Variants in ZNF471 observed in about 807,000 individuals in gnomAD.
The protein encoded by ZNF471 is EZFIT-related protein 1.
Under a neutral mutation model 13.7 loss-of-function variants are expected in ZNF471, and 7 were observed. The ratio of observed to expected loss-of-function variants is 0.51; its 90% CI spans 0.29 to 0.96. The LOEUF (loss-of-function observed/expected upper bound fraction) is 0.96, where lower values mean the gene tolerates loss of function less well. Ranked by LOEUF, ZNF471 falls within the 40% of genes least tolerant of loss-of-function variation. The pLI is 0.08. For missense variants in ZNF471, 663 were observed against 743.3 expected (o/e 0.89, Z 1.26); for synonymous variants, 218 against 235.6 (o/e 0.93, Z 0.68).
Position 56,516,743 on chromosome 19 carries a change from A to G in ZNF471, c.160+342A>G, listed in dbSNP as rs2043894060. Among the ~76,000 whole-genome samples, 1 of 152,244 alleles carries G rather than the reference A, an allele frequency of 6.6e-6. No homozygotes were observed. Among genetic ancestry groups the G allele is most frequent in the Admixed American group, 6.5e-5 (1 of 15,286 alleles). The stretch of plus-strand genomic sequence containing the variant: ...AGAATATATAGCTAGATTACTATAA[A>G]TTCAGAATATCACTTTTAAAATCTG... On this transcript the variant is annotated intron_variant, in intron 3 of 4. Transcript: ENST00000308031. This position sits in a 1 kb window ranked among gnomAD's most constrained non-coding sequence, Gnocchi z 4.4.
At chr19:56,517,383 A>G (rs1600513311) in intron 3 of ZNF471, among the ~76,000 whole-genome samples, 1 of 150,782 alleles carries the variant, frequency 6.6e-6, no homozygotes, top group South Asian at 2.1e-4. Flanking sequence ...GCTCACTGCA[A>G]GCTCCGCCTC....
intron 2 of ZNF471, among the ~76,000 whole-genome samples, chr19:56,515,066 A>G (rs2043863628): frequency 6.6e-6 from 1 of 152,182 alleles, no homozygotes; most frequent in South Asian, 2.1e-4. Flanking sequence ...TTCATTGGTT[A>G]TAGCATTATC....
At position 56,508,474 on chromosome 19, in the gene ZNF471, T is replaced by A. The variant is rs1343761548; in HGVS notation, c.-56+554T>A. 6.8e-6 allele frequency among the ~76,000 whole-genome samples: 1 copy of A among 146,964 alleles called. No individual in the cohort carries two copies. The highest frequency in any genetic ancestry group is 6.8e-5 in the Admixed American group (1 of 14,792). ...ACCAGGATGTATTCGTGTGAGAGAG[T>A]GAGACGGGCTGGATGGAGTGTGAGA... is the stretch of plus-strand genomic sequence containing the variant. On this transcript the variant is annotated intron_variant, in intron 1 of 4. Transcript: ENST00000308031. This position sits in a 1 kb window ranked among gnomAD's most constrained non-coding sequence, Gnocchi z 4.7.
Position 56,527,972 on chromosome 19 carries a change from T to A in ZNF471, c.*2024T>A, listed in dbSNP as rs931417041. The A allele has an allele frequency of 6.6e-6, 1 of 152,344 alleles. No homozygotes were observed. The highest frequency in any genetic ancestry group is 2.4e-5 in the African/African-American group (1 of 41,442). 9.4% of individuals were successfully genotyped at this position (152,344 alleles called of 1,614,324 possible). On this transcript the variant is annotated 3_prime_UTR_variant, in exon 5 of 5. Transcript: ENST00000308031. Reference sequence around the variant, plus strand: ...CATTACACAGGTGTCCAACCTTTTGTCTTCCCTGGGCCACATTGGAAGAAG... The same window carrying A: ...CATTACACAGGTGTCCAACCTTTTGACTTCCCTGGGCCACATTGGAAGAAG...
In ZNF471 at chr19:56,508,503, CAGTG is replaced by C. The variant is rs1036562812; in HGVS notation, c.-56+588_-56+591del. ...ACGGGCTGGATGGAGTGTGAGAGAC[CAGTG>C]AGTGTGAGAGATGGGCGTGTGCCTG... On this transcript the variant is annotated intron_variant, in intron 1 of 4. Transcript: ENST00000308031. This position sits in a 1 kb window ranked among gnomAD's most constrained non-coding sequence, Gnocchi z 4.7. Among the ~76,000 whole-genome samples, 1 of 149,548 alleles carries C rather than the reference CAGTG, an allele frequency of 6.7e-6. No homozygotes were observed. Among genetic ancestry groups the C allele is most frequent in the African/African-American group, 2.5e-5 (1 of 40,476 alleles).
chr19:56,521,532 G>A (rs1215948070), intron 4 of ZNF471, among the ~76,000 whole-genome samples: 1 of 148,330 alleles, frequency 6.7e-6, no homozygotes, highest in Admixed American at 6.8e-5. Context: ...CCAGCTACTC[G>A]AGAGGCTGAG....
intron 2 of ZNF471, among the ~76,000 whole-genome samples, chr19:56,514,873 ATCT>A (rs1244640967): frequency 8.5e-5 from 13 of 152,170 alleles, no homozygotes; most frequent in Non-Finnish European, 1.5e-4. Flanking sequence ...CATTTGAAAG[ATCT>A]TCTAAATGAG....
Position 56,508,259 on chromosome 19 carries a change from C to T in ZNF471, c.-56+339C>T. The T allele has an allele frequency of 1.8e-6, 1 of 553,502 alleles. No individual in the cohort carries two copies. Among genetic ancestry groups the T allele is most frequent in the Non-Finnish European group, 2.3e-6 (1 of 443,038 alleles). 34.3% of individuals were successfully genotyped at this position (553,502 alleles called of 1,614,324 possible). A position where few individuals can be genotyped will look rare whatever the true frequency, so the allele number is the denominator to read the frequency against. ...TGTGTGTGTGTGTGTGTGTGACAGA[C>T]CGAGAGTCCAGTGTGAGACCAGGGT... On this transcript the variant is annotated intron_variant, in intron 1 of 4. Coordinates refer to ENST00000308031, the MANE Select transcript of ZNF471 (RefSeq NM_020813.4). The surrounding 1 kb of genome is among the most constrained non-coding windows in gnomAD (Gnocchi z 4.7).
Position 56,524,616 on chromosome 19 carries a change from TA to T in ZNF471, c.556del (p.Ser186AlafsTer8). ...AGAGTATTTATAATCACACATCAGA[TA>T]AAAAAAGCTTCTCCAAAAATTCTAT... ...EESIYNHTSD[K>X]KSFSKNSMVI... On this transcript the variant is annotated frameshift_variant, in exon 5 of 5. Transcript: ENST00000308031. LOFTEE classifies it low-confidence loss of function (END_TRUNC). This position sits in a 1 kb window ranked among gnomAD's most constrained non-coding sequence, Gnocchi z 4.8. 1.3e-6 allele frequency: 2 copies of T among 1,586,564 alleles called. No individual in the cohort carries two copies. Among genetic ancestry groups the T allele is most frequent in the Non-Finnish European group, 1.7e-6 (2 of 1,172,896 alleles).
intron 2 of ZNF471, among the ~76,000 whole-genome samples, chr19:56,513,607 A>G (rs780404482): frequency 6.2e-4 from 94 of 151,906 alleles, no homozygotes; most frequent in Non-Finnish European, 1.0e-3. Flanking sequence ...GTAATTTTCT[A>G]TTTTCTTCCT....
rs770884701 is a variant in ZNF471, at chr19:56,522,852, T to G, written c.257-1472T>G. On this transcript the variant is annotated intron_variant, in intron 4 of 4. Coordinates refer to ENST00000308031, the MANE Select transcript of ZNF471 (RefSeq NM_020813.4). This position sits in a 1 kb window ranked among gnomAD's most constrained non-coding sequence, Gnocchi z 4.1. Reference sequence around the variant, plus strand: ...CCTGGGTTCAAGCAATTTTCCTGCTTTAGCCTCCCAGGTAGCTGGGATTAC... The same window carrying G: ...CCTGGGTTCAAGCAATTTTCCTGCTGTAGCCTCCCAGGTAGCTGGGATTAC... 6.6e-6 allele frequency among the ~76,000 whole-genome samples: 1 copy of G among 152,078 alleles called. No homozygotes were observed. Among genetic ancestry groups the G allele is most frequent in the Non-Finnish European group, 1.5e-5 (1 of 68,004 alleles).
rs150464101 is a variant in ZNF471, at chr19:56,520,577, A to G, written c.256+2000A>G. The stretch of plus-strand genomic sequence containing the variant: ...TGCCCCTGAAATTCATGTTGAAATC[A>G]TCTTCTCTAGAGTGCTGGTGGTAGG... On this transcript the variant is annotated intron_variant, in intron 4 of 4. Transcript: ENST00000308031. Among the ~76,000 whole-genome samples the G allele has an allele frequency of 7.8e-3, 1,183 of 152,298 alleles. 11 individuals carry two copies. Among genetic ancestry groups the G allele is most frequent in the African/African-American group, 0.027 (1,129 of 41,556 alleles).
chr19:56,511,090 CTTTTGTTT>C (rs1437716270), intron 1 of ZNF471: 12 of 847,940 alleles, frequency 1.4e-5, no homozygotes, highest in Non-Finnish European at 1.5e-5. Flanking sequence ...TTTCCTTTTT[CTTTTGTTT>C]TTTTTTTTTT....
In ZNF471 at chr19:56,525,045, C is replaced by G; in HGVS notation, c.978C>G (p.Ala326=). ...ATGAATGTAAAGAATGTGGCAAAGC[C>G]TTCAGTGATGGCTCGTCTTTTGCTC... The part of the protein sequence containing the change: ...KPYECKECGK[A]FSDGSSFARH... The change falls in exon 5 of 5, where the codon GCC becomes GCG. Residue 326 remains alanine, a synonymous_variant. Coordinates refer to ENST00000308031, the MANE Select transcript of ZNF471 (RefSeq NM_020813.4). 1 of 1,613,668 alleles carries G rather than the reference C, an allele frequency of 6.2e-7. No homozygotes were observed. Among genetic ancestry groups the G allele is most frequent in the Non-Finnish European group, 8.5e-7 (1 of 1,179,834 alleles).
chr19:56,512,895 C>G (rs1359752220), intron 2 of ZNF471, among the ~76,000 whole-genome samples: 1 of 151,540 alleles, frequency 6.6e-6, no homozygotes, highest in East Asian at 1.9e-4. Context: ...AATTTTGAAA[C>G]ACTGCTTTTT....
intron 2 of ZNF471, among the ~76,000 whole-genome samples, chr19:56,513,708 T>G (rs986672111): frequency 1.2e-4 from 19 of 152,198 alleles, no homozygotes; most frequent in East Asian, 5.8e-4. Flanking sequence ...GGATCTCTTA[T>G]GTGTTTCTAT....
intron 2 of ZNF471, among the ~76,000 whole-genome samples, chr19:56,515,386 GT>G: frequency 9.0e-6 from 1 of 111,634 alleles, no homozygotes; most frequent in South Asian, 2.9e-4. Context: ...CAGTAAAACT[GT>G]GAGTACACAG....
At chr19:56,521,128 T>C (rs1185842774) in intron 4 of ZNF471, among the ~76,000 whole-genome samples, 1 of 152,144 alleles carries the variant, frequency 6.6e-6, no homozygotes, top group Non-Finnish European at 1.5e-5. Context: ...GCCCCCATGA[T>C]TGAATTATCT....
chr19:56,521,652 A>C (rs11671588), intron 4 of ZNF471, among the ~76,000 whole-genome samples: 9 of 147,374 alleles, frequency 6.1e-5, no homozygotes, highest in African/African-American at 7.5e-5. Context: ...AAAAAAAAAA[A>C]AAAAAAACTC....
Sources: gnomAD v4.1 joint callset for allele counts (sites outside exome capture counted in the v4.1 genomes callset) on GRCh38, gnomAD v4.1.1 for gene constraint, Gnocchi (gnomAD v3.1) non-coding constraint, MANE v1.5 for transcripts, NCBI Gene and HGNC (gene_info 2026-07-23, HGNC 2026-07-21) for gene names.